TBL1X: variants seen among roughly 807,000 people sequenced by gnomAD.
TBL1X encodes F-box-like/WD repeat-containing protein TBL1X.
A neutral mutation model predicts 50.7 loss-of-function variants in TBL1X; 10 were observed. That is an observed-to-expected ratio of 0.20 (90% confidence interval 0.12 to 0.33). The LOEUF is 0.33. Among genes scored for constraint, TBL1X ranks in the 10% least tolerant of loss-of-function variants. The pLI is 1.00. For missense variants in TBL1X, 340 were observed against 504.4 expected (o/e 0.67, Z 3.12); for synonymous variants, 190 against 214.7 (o/e 0.88, Z 1.01).
At chrX:9,703,021 C>T (rs2083184266) in intron 12 of TBL1X, among the ~76,000 whole-genome samples, 1 of 111,688 alleles carries the variant, frequency 9.0e-6, no homozygotes, top group Non-Finnish European at 1.9e-5. Flanking sequence ...CTTAAATTAG[C>T]ATGAACCCTG....
chrX:9,640,196 G>A (rs1569084028), intron 2 of TBL1X, 77 bp from the exon 3 acceptor site: 1 of 112,207 alleles, frequency 8.9e-6, no homozygotes. Flanking sequence ...AAACCTAAAG[G>A]AACGGGATGG....
intron 5 of TBL1X, 110 bp from the exon 6 acceptor site, chrX:9,683,933 T>G: frequency 8.9e-7 from 1 of 1,121,600 alleles, no homozygotes; most frequent in Non-Finnish European, 1.2e-6. Context: ...TGTCTGTCCC[T>G]GCAAATTAAG....
Position 9,572,905 on chromosome X carries a change from G to C in TBL1X, c.-130-67368G>C, listed in dbSNP as rs757057804. 2.7e-5 allele frequency among the ~76,000 whole-genome samples: 3 copies of C among 112,545 alleles called. No individual in the cohort carries two copies. The South Asian group carries it at 1.1e-3, about 41-fold the overall frequency. ...TGTGTAGGAGGCAAGCGTGGAGCTT[G>C]ATGTGAGCTCCTTGAAATAATGAAA... On this transcript the variant is annotated intron_variant, in intron 2 of 17. Transcript: ENST00000645353.
chrX:9,502,398 A>G (rs2082005745), intron 2 of TBL1X, among the ~76,000 whole-genome samples: 1 of 112,253 alleles, frequency 8.9e-6, no homozygotes, highest in Admixed American at 9.4e-5. Flanking sequence ...TTATGTGTCC[A>G]TCTCATCTTC....
chrX:9,545,265 G>C (rs1031242819), intron 2 of TBL1X, among the ~76,000 whole-genome samples: 1 of 111,096 alleles, frequency 9.0e-6, no homozygotes, highest in Non-Finnish European at 1.9e-5. Context: ...ACCCTGGCTG[G>C]GTGTGGTGGC....
intron 12 of TBL1X, among the ~76,000 whole-genome samples, chrX:9,697,711 C>T (rs766046677): frequency 1.9e-4 from 21 of 111,422 alleles, no homozygotes; most frequent in South Asian, 1.1e-3. Context: ...ATGGAGTTTG[C>T]GGTGAGCCAA....
chrX:9,651,229 G>C (rs2082833686), intron 3 of TBL1X, among the ~76,000 whole-genome samples: 1 of 110,486 alleles, frequency 9.1e-6, no homozygotes, highest in Admixed American at 9.6e-5. Context: ...TGTTTTTGTA[G>C]AGACAGAGTT....
chrX:9,564,536 C>A (rs1379096841), intron 2 of TBL1X, among the ~76,000 whole-genome samples: 1 of 110,540 alleles, frequency 9.0e-6, no homozygotes, highest in African/African-American at 3.3e-5. Context: ...AGATTGAGAC[C>A]ATCCTGGCCA....
intron 2 of TBL1X, among the ~76,000 whole-genome samples, chrX:9,609,834 A>C (rs2082604779): frequency 1.8e-5 from 2 of 112,177 alleles, no homozygotes; most frequent in Admixed American, 1.9e-4. Context: ...AACGAGGTGG[A>C]ATATTTGATC....
intron 2 of TBL1X, among the ~76,000 whole-genome samples, chrX:9,588,516 C>T (rs1261353143): frequency 1.8e-5 from 2 of 111,613 alleles, no homozygotes; most frequent in African/African-American, 6.5e-5. Flanking sequence ...TTCCTTTTGC[C>T]TCAGGATCCA....
At chrX:9,628,778 C>A (rs780901268) in intron 2 of TBL1X, among the ~76,000 whole-genome samples, 41 of 111,967 alleles carry the variant, frequency 3.7e-4, no homozygotes, top group Non-Finnish European at 7.3e-4. Flanking sequence ...AAACTCCTGA[C>A]CTCAGGTGAT....
intron 2 of TBL1X, among the ~76,000 whole-genome samples, chrX:9,511,052 G>A (rs760173871): frequency 5.3e-5 from 6 of 112,223 alleles, no homozygotes; most frequent in Admixed American, 9.5e-5. Flanking sequence ...AGTTGAATAC[G>A]TGCTTGTAAG....
chrX:9,552,640 T>C (rs1022950788), intron 2 of TBL1X, among the ~76,000 whole-genome samples: 7 of 112,189 alleles, frequency 6.2e-5, no homozygotes, highest in Non-Finnish European at 1.1e-4. Context: ...GTTGCAAGAA[T>C]GCTGGCTTTT....
chrX:9,464,551 G>T (rs2081757072), upstream of TBL1X, among the ~76,000 whole-genome samples: 1 of 110,914 alleles, frequency 9.0e-6, no homozygotes, highest in Non-Finnish European at 1.9e-5. Flanking sequence ...GGGGCAGCCG[G>T]GTGGCTTCCT....
chrX:9,604,043 G>A lies in TBL1X; in HGVS notation c.-130-36230G>A, dbSNP rs145986301. 7.7e-3 allele frequency among the ~76,000 whole-genome samples: 854 copies of A among 111,526 alleles called. 9 individuals carry two copies. Among genetic ancestry groups the A allele is most frequent in the African/African-American group, 0.027 (816 of 30,615 alleles). On this transcript the variant is annotated intron_variant, in intron 2 of 17. Transcript: ENST00000645353. ...CCCTTTTTCCAAATGAGGTTCTGAGGTGCTGCACGTTAGGACTTTAGCATG... is the reference window on the plus strand; with the variant it reads ...CCCTTTTTCCAAATGAGGTTCTGAGATGCTGCACGTTAGGACTTTAGCATG...
At chrX:9,656,536 A>C (rs1457836184) in intron 5 of TBL1X, among the ~76,000 whole-genome samples, 4 of 112,974 alleles carry the variant, frequency 3.5e-5, no homozygotes, top group Non-Finnish European at 5.6e-5. Flanking sequence ...TTGTTTATGA[A>C]GCTTCTGTAA....
chrX:9,714,122 C>G (rs1486913618), intron 16 of TBL1X, among the ~76,000 whole-genome samples: 2 of 111,952 alleles, frequency 1.8e-5, no homozygotes, highest in Admixed American at 9.5e-5. Flanking sequence ...CCTTATTCAA[C>G]TCTTTCAAAG....
At chrX:9,552,875 G>C (rs983266978) in intron 2 of TBL1X, among the ~76,000 whole-genome samples, 23 of 112,165 alleles carry the variant, frequency 2.1e-4, no homozygotes, top group Non-Finnish European at 3.8e-4. Context: ...GGTGCCAGGG[G>C]CTCATGCCTG....
intron 2 of TBL1X, among the ~76,000 whole-genome samples, chrX:9,537,915 T>A (rs2082196985): frequency 8.9e-6 from 1 of 112,149 alleles, no homozygotes; most frequent in Admixed American, 9.4e-5. Flanking sequence ...CAGCGAGTTG[T>A]CGGCTGGGGG....
Sources: gnomAD v4.1 joint callset for allele counts (sites outside exome capture counted in the v4.1 genomes callset) on GRCh38, gnomAD v4.1.1 for gene constraint, MANE v1.5 for transcripts, NCBI Gene and HGNC (gene_info 2026-07-23, HGNC 2026-07-21) for gene names.